The following ESRRB variants were observed in gnomAD, a reference collection of about 807,000 sequenced individuals.
The protein encoded by ESRRB is estrogen related receptor beta, also known as steroid hormone receptor ERR2.
Under a neutral mutation model 46.0 loss-of-function variants are expected in ESRRB, and 16 were observed. The observed-to-expected ratio is 0.35, with a 90% confidence interval of 0.24 to 0.53. ESRRB has a LOEUF of 0.53. Ranked by LOEUF, ESRRB falls within the 20% of genes least tolerant of loss-of-function variation. The pLI is 0.93. For missense variants in ESRRB, 488 were observed against 607.4 expected (o/e 0.80, Z 2.07); for synonymous variants, 246 against 259.6 (o/e 0.95, Z 0.50).
intron 1 of ESRRB, among the ~76,000 whole-genome samples, chr14:76,350,743 C>T (rs1028866587): frequency 6.6e-6 from 1 of 152,192 alleles, no homozygotes; most frequent in East Asian, 1.9e-4. Context: ...TCAGGCATGA[C>T]TCCCCACAAG....
At chr14:76,487,929 T>C (rs538603956) in intron 5 of ESRRB, among the ~76,000 whole-genome samples, 1 of 152,300 alleles carries the variant, frequency 6.6e-6, no homozygotes, top group Admixed American at 6.5e-5. Flanking sequence ...AGCAGTAGAA[T>C]TGCTAGGTTG....
intron 1 of ESRRB, among the ~76,000 whole-genome samples, chr14:76,358,964 T>C (rs940633812): frequency 2.0e-5 from 3 of 152,212 alleles, no homozygotes; most frequent in African/African-American, 4.8e-5. Context: ...CCCGAGAATA[T>C]GCATTTCTAA....
rs1890639302 is a variant in ESRRB, at chr14:76,500,982, T to A, written c.*2524T>A. The A allele has an allele frequency of 3.6e-6, 2 of 550,322 alleles. No homozygotes were observed. The highest frequency in any genetic ancestry group is 3.3e-6 in the Non-Finnish European group (1 of 307,226). The allele number at this position is 550,322 out of a possible 1,614,324, so 34.1% of individuals were successfully genotyped here. On this transcript the variant is annotated 3_prime_UTR_variant, in exon 7 of 7. Transcript: ENST00000644823. ...GTCCATTGGACACTCAGAAAAGAAGTTCAGGGGCCAACTTCTTAGCTGGAA... is the reference window on the plus strand; with the variant it reads ...GTCCATTGGACACTCAGAAAAGAAGATCAGGGGCCAACTTCTTAGCTGGAA...
chr14:76,316,148 G>C lies in ESRRB; in HGVS notation c.2+5232G>C, dbSNP rs561152776. ...GCTTTGGCCTCCTCCCTCTTGACAC[G>C]ATCACTTGACAAATGAATCCAAACT... On this transcript the variant is annotated intron_variant, in intron 1 of 6. Coordinates refer to the ESRRB transcript ENST00000512784. 2.6e-5 allele frequency among the ~76,000 whole-genome samples: 4 copies of C among 152,262 alleles called. No homozygotes were observed. In the East Asian group the frequency reaches 7.7e-4, roughly 29 times the overall value.
chr14:76,490,772 A>G (rs1890191070), intron 5 of ESRRB, among the ~76,000 whole-genome samples: 1 of 152,198 alleles, frequency 6.6e-6, no homozygotes, highest in Non-Finnish European at 1.5e-5. Context: ...CTGCTGGGTC[A>G]TCGTTAAGCA....
At chr14:76,430,155 C>T (rs980862679) in intron 1 of ESRRB, among the ~76,000 whole-genome samples, 1 of 152,152 alleles carries the variant, frequency 6.6e-6, no homozygotes, top group Admixed American at 6.5e-5. Flanking sequence ...GGGCATTCTG[C>T]AATCTTTAAT....
At chr14:76,420,678 T>C (rs1439026449) in intron 1 of ESRRB, among the ~76,000 whole-genome samples, 3 of 151,514 alleles carry the variant, frequency 2.0e-5, no homozygotes, top group African/African-American at 7.3e-5. Context: ...TTTGGCACTT[T>C]GGCCAAATGG....
chr14:76,343,050 A>G (rs1231953440), intron 1 of ESRRB, among the ~76,000 whole-genome samples: 2 of 152,198 alleles, frequency 1.3e-5, no homozygotes, highest in African/African-American at 2.4e-5. Context: ...GCATTCAGGG[A>G]GGGCCTCTCA....
chr14:76,439,238 C>G, intron 1 of ESRRB, 103 bp from the exon 2 acceptor site: 1 of 1,322,180 alleles, frequency 7.6e-7, no homozygotes, highest in Non-Finnish European at 1.1e-6. Context: ...CGCACCAAAG[C>G]CTTAGCATAG....
chr14:76,434,161 T>C (rs566284164), intron 1 of ESRRB, among the ~76,000 whole-genome samples: 2 of 152,192 alleles, frequency 1.3e-5, no homozygotes, highest in South Asian at 4.2e-4. Flanking sequence ...AATTTTTCAT[T>C]CGAATGAATG....
chr14:76,480,368 T>G (rs1889759679), intron 3 of ESRRB, among the ~76,000 whole-genome samples: 1 of 152,060 alleles, frequency 6.6e-6, no homozygotes, highest in Admixed American at 6.5e-5. Context: ...TGAAAACACC[T>G]GGGGCAGCAG....
chr14:76,324,469 G>A (rs951970082), intron 1 of ESRRB, among the ~76,000 whole-genome samples: 7 of 152,144 alleles, frequency 4.6e-5, no homozygotes, highest in African/African-American at 1.4e-4. Context: ...ACAGAGAGAC[G>A]ATGGGAGCTG....
At chr14:76,483,112 C>T (rs1163634073) in intron 5 of ESRRB, among the ~76,000 whole-genome samples, 1 of 152,130 alleles carries the variant, frequency 6.6e-6, no homozygotes, top group Non-Finnish European at 1.5e-5. Context: ...GGAAGGATGC[C>T]AGAAAACAAC....
At chr14:76,472,052 CAG>C (rs1275940914) in intron 3 of ESRRB, among the ~76,000 whole-genome samples, 2 of 152,222 alleles carry the variant, frequency 1.3e-5, no homozygotes, top group African/African-American at 4.8e-5. Context: ...TAGTTAATGA[CAG>C]AGCTGGGTGG....
At position 76,420,581 on chromosome 14, in the gene ESRRB, GTGTGTGTGTGTGTT is replaced by G. The variant is rs567506074; in HGVS notation, c.51-18754_51-18741del. On this transcript the variant is annotated intron_variant, in intron 1 of 6. Coordinates refer to ENST00000644823, the MANE Select transcript of ESRRB (RefSeq NM_001379180.1). Reference sequence around the variant, plus strand: ...TGAGTGTGTGTGTGTGTGTGTGTGTGTGTGTGTGTGTGTTTGTGTATGAGAGAGAGAGAGAGAGA... The same window carrying G: ...TGAGTGTGTGTGTGTGTGTGTGTGTGTGTGTATGAGAGAGAGAGAGAGAGA... Among the ~76,000 whole-genome samples, 62 of 151,486 alleles carry G rather than the reference GTGTGTGTGTGTGTT, an allele frequency of 4.1e-4. No individual in the cohort carries two copies. In the South Asian group the frequency reaches 6.1e-3, roughly 15 times the overall value.
intron 6 of ESRRB, among the ~76,000 whole-genome samples, chr14:76,496,845 C>A (rs1216446968): frequency 2.6e-5 from 4 of 152,164 alleles, no homozygotes; most frequent in Non-Finnish European, 4.4e-5. Context: ...CCCCTGGGAG[C>A]CTGCTGGCTG....
At chr14:76,362,976 A>G (rs1173925225) in intron 1 of ESRRB, among the ~76,000 whole-genome samples, 3 of 151,970 alleles carry the variant, frequency 2.0e-5, no homozygotes, top group Non-Finnish European at 4.4e-5. Flanking sequence ...TGGGTGAGTC[A>G]CTCTCCCACA....
At chr14:76,496,155 C>T (rs1890418051) in intron 6 of ESRRB, among the ~76,000 whole-genome samples, 1 of 152,208 alleles carries the variant, frequency 6.6e-6, no homozygotes, top group Non-Finnish European at 1.5e-5. Context: ...CAGATCCCTC[C>T]TAGCTCATTG....
chr14:76,429,068 A>G (rs1252824777), intron 1 of ESRRB, among the ~76,000 whole-genome samples: 1 of 152,062 alleles, frequency 6.6e-6, no homozygotes, highest in African/African-American at 2.4e-5. Context: ...AAGGAGGCCA[A>G]ATAAAATGGC....
Sources: gnomAD v4.1 joint callset for allele counts (sites outside exome capture counted in the v4.1 genomes callset) on GRCh38, gnomAD v4.1.1 for gene constraint, MANE v1.5 for transcripts, NCBI Gene and HGNC (gene_info 2026-07-23, HGNC 2026-07-21) for gene names.